The following RAP1GAP variants were observed in gnomAD, a reference collection of about 807,000 sequenced individuals.
RAP1GAP encodes the protein rap1 GTPase-activating protein 1.
RAP1GAP carries 35 observed loss-of-function variants against 87.2 expected under a neutral mutation model. That is an observed-to-expected ratio of 0.40 (90% CI 0.31 to 0.53). The LOEUF is 0.53. RAP1GAP is among the 20% of genes least tolerant of loss of function. The pLI, the probability that RAP1GAP is intolerant of heterozygous loss-of-function variation, is 0.48. For synonymous variants in RAP1GAP, 375 were observed against 363.9 expected, an observed-to-expected ratio of 1.03 and a Z score of -0.35; for missense variants, 734 against 898.9, an observed-to-expected ratio of 0.82 and a Z score of 2.35.
chr1:21,634,084 C>A lies in RAP1GAP; in HGVS notation c.-112-7687G>T, dbSNP rs374311637. Among the ~76,000 whole-genome samples the A allele has an allele frequency of 1.4e-4, 21 of 150,100 alleles. No homozygotes were observed. The highest frequency in any genetic ancestry group is 4.9e-4 in the African/African-American group (20 of 40,434). On this transcript the variant is annotated intron_variant, in intron 2 of 24. Transcript: ENST00000374765. This position sits in a 1 kb window ranked among gnomAD's most constrained non-coding sequence, Gnocchi z 4.1. ...GGGGGGGGGGGGGGGCCACAGAAGC[C>A]CATTGTTTTCTGAGCTCAACCAGCC...
intron 1 of RAP1GAP, among the ~76,000 whole-genome samples, chr1:21,658,128 G>A (rs533558612): frequency 2.8e-4 from 43 of 152,206 alleles, no homozygotes; most frequent in South Asian, 6.2e-4. Flanking sequence ...TAAAAAGCCC[G>A]GGTAACCCAT....
intron 17 of RAP1GAP, 147 bp downstream of exon 17, chr1:21,608,066 C>T (rs1486210500): frequency 7.3e-6 from 9 of 1,236,340 alleles, no homozygotes; most frequent in Middle Eastern, 2.0e-4. Flanking sequence ...TGTGTCAATC[C>T]CCCAGTCCGG....
chr1:21,632,255 C>T (rs1176734616), intron 2 of RAP1GAP, among the ~76,000 whole-genome samples: 1 of 152,256 alleles, frequency 6.6e-6, no homozygotes, highest in Non-Finnish European at 1.5e-5. Context: ...CGGCCGGAAG[C>T]CGCTGCTGAC....
chr1:21,627,792 C>T (rs1337178387), intron 2 of RAP1GAP, among the ~76,000 whole-genome samples: 1 of 152,148 alleles, frequency 6.6e-6, no homozygotes, highest in African/African-American at 2.4e-5. Flanking sequence ...CACAGCCCCA[C>T]TTATGCACTG....
chr1:21,617,015 G>A (rs963547737), intron 7 of RAP1GAP, among the ~76,000 whole-genome samples: 2 of 152,252 alleles, frequency 1.3e-5, no homozygotes, highest in East Asian at 1.9e-4. Context: ...CGATTTACCC[G>A]ATGTCCTGTG....
intron 3 of RAP1GAP, among the ~76,000 whole-genome samples, chr1:21,624,369 G>A (rs1251346567): frequency 6.6e-6 from 1 of 152,242 alleles, no homozygotes; most frequent in Non-Finnish European, 1.5e-5. Context: ...AAGGCAGGTA[G>A]AGAAGAAACT....
rs1216859880 is a variant in RAP1GAP at position 21,613,160 on chromosome 1, C to T, written c.528+16G>A. ...CTCACCCACCCTCAGTGAGCTGTGCCCAGATCCAGCCATACCTTGGGGTAG... is the reference window on the plus strand; with the variant it reads ...CTCACCCACCCTCAGTGAGCTGTGCTCAGATCCAGCCATACCTTGGGGTAG... On this transcript the variant is annotated intron_variant, in intron 10 of 24. Coordinates refer to ENST00000374765, the MANE Select transcript of RAP1GAP (RefSeq NM_002885.4). This position sits in a 1 kb window ranked among gnomAD's most constrained non-coding sequence, Gnocchi z 4.7. 1.3e-6 allele frequency: 2 copies of T among 1,534,572 alleles called. No individual in the cohort carries two copies. The highest frequency in any genetic ancestry group is 2.7e-5 in the African/African-American group (2 of 72,996).
At chr1:21,651,693 G>T in intron 1 of RAP1GAP, 1 of 963,036 alleles carries the variant, frequency 1.0e-6, no homozygotes. Context: ...CCGCCCAAAC[G>T]CGAGCACACC....
chr1:21,662,806 C>T (rs546739346), intron 1 of RAP1GAP, among the ~76,000 whole-genome samples: 39 of 152,312 alleles, frequency 2.6e-4, no homozygotes, highest in East Asian at 1.9e-3. Flanking sequence ...CAGCCACTCA[C>T]CAGCTGGGTG....
At chr1:21,645,731 C>T (rs1437384231) in intron 2 of RAP1GAP, among the ~76,000 whole-genome samples, 4 of 152,128 alleles carry the variant, frequency 2.6e-5, no homozygotes, top group African/African-American at 9.7e-5. Context: ...GCCAGCTGCC[C>T]GTCGGGGGCC....
Position 21,615,032 on chromosome 1 carries a change from C to T in RAP1GAP, c.292-943G>A, listed in dbSNP as rs1427677031. ...TCAATGGACCTGGGGCAGAGTCCCC[C>T]AGCTCTGCCTGGGCACAGAGTGGCA... On this transcript the variant is annotated intron_variant, in intron 7 of 24. Coordinates refer to ENST00000374765, the MANE Select transcript of RAP1GAP (RefSeq NM_002885.4). This position sits in a 1 kb window ranked among gnomAD's most constrained non-coding sequence, Gnocchi z 4.5. 2.0e-5 allele frequency among the ~76,000 whole-genome samples: 3 copies of T among 152,228 alleles called. No homozygotes were observed. In the East Asian group the frequency reaches 5.8e-4, roughly 29 times the overall value.
chr1:21,634,802 C>G lies in RAP1GAP; in HGVS notation c.-112-8405G>C. On this transcript the variant is annotated intron_variant, in intron 2 of 24. Transcript: ENST00000374765. This position sits in a 1 kb window ranked among gnomAD's most constrained non-coding sequence, Gnocchi z 4.1. ...CATCTGTCTCCCTTGCTCAGGTGGCCTGAGCCCCACTGTGGCCAAAACCTG... is the reference window on the plus strand; with the variant it reads ...CATCTGTCTCCCTTGCTCAGGTGGCGTGAGCCCCACTGTGGCCAAAACCTG... 2.3e-6 allele frequency: 1 copy of G among 438,604 alleles called. No individual in the cohort carries two copies. The allele number at this position is 438,604 out of a possible 1,614,324, so 27.2% of individuals were successfully genotyped here.
chr1:21,669,035 C>T lies in RAP1GAP; in HGVS notation c.-149+219G>A, dbSNP rs1389924679. ...AGGCTGGGGGTTCAGCCGGCTCAGT[C>T]CAGGCCTCCCCCCACTTCTCCAGCT... On this transcript the variant is annotated intron_variant, in intron 1 of 24. Transcript: ENST00000374765. The surrounding 1 kb of genome is among the most constrained non-coding windows in gnomAD (Gnocchi z 5.6). 2.0e-5 allele frequency among the ~76,000 whole-genome samples: 3 copies of T among 151,914 alleles called. No homozygotes were observed. The highest frequency in any genetic ancestry group is 4.4e-5 in the Non-Finnish European group (3 of 67,876).
intron 4 of RAP1GAP, 29 bp from the exon 5 acceptor site, chr1:21,619,101 C>G: frequency 1.9e-6 from 3 of 1,577,540 alleles, no homozygotes; most frequent in Non-Finnish European, 2.6e-6. Flanking sequence ...CTGTTACACC[C>G]TCCCAGGCCT....
chr1:21,652,442 C>T (rs1398571972), intron 1 of RAP1GAP, among the ~76,000 whole-genome samples: 4 of 152,336 alleles, frequency 2.6e-5, no homozygotes, highest in Middle Eastern at 3.4e-3. Flanking sequence ...AGGGGGACAG[C>T]GTTCTACCCT....
chr1:21,662,374 T>C (rs923373863), intron 1 of RAP1GAP, among the ~76,000 whole-genome samples: 1 of 152,218 alleles, frequency 6.6e-6, no homozygotes, highest in Non-Finnish European at 1.5e-5. Context: ...AGCTGATCTC[T>C]GTGGGCTCCT....
chr1:21,610,152 C>T lies in RAP1GAP; in HGVS notation c.967G>A (p.Glu323Lys). Residue 323 changes from glutamate (E) to lysine (K), a missense_variant, in exon 14 of 25, where the codon GAG becomes AAG. Around this residue, in one of 2 missense-constraint regions of RAP1GAP, gnomAD observed 485 missense variants for 646.2 expected, o/e 0.75. Coordinates refer to ENST00000374765, the MANE Select transcript of RAP1GAP (RefSeq NM_002885.4). ...FLHAYVVVQAEGGGPDGPLYK... is the reference protein window; with the variant it reads ...FLHAYVVVQAKGGGPDGPLYK... ...AGGGGGCCATCAGGGCCCCCGCCCT[C>T]AGCCTGCACCACGACGTAGGCATGC... is the stretch of plus-strand genomic sequence containing the variant. The T allele has an allele frequency of 6.2e-7, 1 of 1,614,144 alleles. No individual in the cohort carries two copies. The highest frequency in any genetic ancestry group is 8.5e-7 in the Non-Finnish European group (1 of 1,180,022).
chr1:21,600,884 C>CAATAAAAAAAAA (rs2067729479), intron 20 of RAP1GAP, among the ~76,000 whole-genome samples: 1 of 53,052 alleles, frequency 1.9e-5, no homozygotes, highest in African/African-American at 9.4e-5. Context: ...GACTCTGTCT[C>CAATAAAAAAAAA]AAAAAAAAAA....
chr1:21,666,533 C>T (rs2097355139), intron 1 of RAP1GAP, among the ~76,000 whole-genome samples: 1 of 152,138 alleles, frequency 6.6e-6, no homozygotes, highest in African/African-American at 2.4e-5. Context: ...GGAGGGTCCA[C>T]TGAGTGGGAA....
Sources: allele counts gnomAD v4.1 joint callset (sites outside exome capture counted in the v4.1 genomes callset), GRCh38; gene constraint gnomAD v4.1.1; regional missense constraint gnomAD v4.1.1; non-coding constraint Gnocchi (gnomAD v3.1); transcripts MANE v1.5; gene names NCBI Gene and HGNC (gene_info 2026-07-23, HGNC 2026-07-21).